PTPRE: variants seen among roughly 807,000 people sequenced by gnomAD.
PTPRE encodes protein tyrosine phosphatase receptor type E, also known as receptor-type tyrosine-protein phosphatase epsilon.
Under a neutral mutation model 102.0 loss-of-function variants are expected in PTPRE, and 51 were observed. The ratio of observed to expected loss-of-function variants is 0.50; its 90% confidence interval spans 0.40 to 0.63. The LOEUF (loss-of-function observed/expected upper bound fraction) is 0.63, where lower values mean the gene tolerates loss of function less well. Among genes scored for constraint, PTPRE ranks in the 30% least tolerant of loss-of-function variants. The pLI is 0.00. For missense variants in PTPRE, 752 were observed against 915.1 expected, an observed-to-expected ratio of 0.82 and a Z score of 2.30; for synonymous variants, 345 against 348.2, an observed-to-expected ratio of 0.99 and a Z score of 0.10.
rs1849537161 is a variant in PTPRE, at chr10:128,060,980, C to T, written c.553C>T (p.Pro185Ser). The change falls in exon 8 of 21, where the codon CCC (proline) becomes TCC (serine). Residue 185 changes from proline to serine, a missense_variant. Coordinates refer to ENST00000254667, the MANE Select transcript of PTPRE (RefSeq NM_006504.6). ...GATTCTGAGCCAACTGGATGGAATT[C>T]CCTGTTCAGACTACATCAATGCTTC... The part of the protein sequence containing the change: ...RVILSQLDGI[P>S]CSDYINASYI... 1.2e-6 allele frequency: 2 copies of T among 1,614,118 alleles called. No homozygotes were observed. The highest frequency in any genetic ancestry group is 1.7e-6 in the Non-Finnish European group (2 of 1,179,998).
At chr10:128,062,913 G>T in intron 9 of PTPRE, 170 bp from the exon 10 acceptor site, 1 of 1,210,932 alleles carries the variant, frequency 8.3e-7, no homozygotes, top group South Asian at 1.7e-5. Flanking sequence ...GGCAGGACAG[G>T]CAGCCCCTAC....
chr10:128,079,404 C>T (rs1408689701), intron 19 of PTPRE, among the ~76,000 whole-genome samples, 156 bp from the exon 20 acceptor site: 1 of 152,170 alleles, frequency 6.6e-6, no homozygotes, highest in Non-Finnish European at 1.5e-5. Flanking sequence ...AGAAGTTACA[C>T]TACATACAAA....
In PTPRE at chr10:128,077,563, G is replaced by A. The variant is rs752242786; in HGVS notation, c.1726-54G>A. The A allele has an allele frequency of 1.6e-4, 243 of 1,556,326 alleles. 1 individual carries two copies. The highest frequency in any genetic ancestry group is 2.1e-4 in the Non-Finnish European group (240 of 1,145,638). The stretch of plus-strand genomic sequence containing the variant: ...AATCCCTGAGAGGGCAGATGGGGCT[G>A]GGGCCTGTTCCCCGGCAGGCAGGCG... On this transcript the variant is annotated intron_variant, in intron 18 of 20. Transcript: ENST00000254667.
At chr10:127,968,117 T>C (rs1042251677) in intron 1 of PTPRE, among the ~76,000 whole-genome samples, 24 of 150,996 alleles carry the variant, frequency 1.6e-4, no homozygotes, top group Non-Finnish European at 3.2e-4. Flanking sequence ...GGTGGCCAGC[T>C]CACATCCTGT....
chr10:127,974,264 C>A (rs977963353), intron 1 of PTPRE, among the ~76,000 whole-genome samples: 2 of 152,186 alleles, frequency 1.3e-5, no homozygotes, highest in Non-Finnish European at 2.9e-5. Flanking sequence ...CTTTACTAAC[C>A]CAGCAGGAAA....
At chr10:127,987,437 T>G in intron 2 of PTPRE, 3 of 981,132 alleles carry the variant, frequency 3.1e-6, no homozygotes, top group Non-Finnish European at 4.1e-6. Context: ...CTCTTTGGTT[T>G]TGTGTCATGG....
At chr10:127,963,688 G>T (rs1448173388) in intron 1 of PTPRE, among the ~76,000 whole-genome samples, 1 of 151,246 alleles carries the variant, frequency 6.6e-6, no homozygotes, top group Non-Finnish European at 1.5e-5. Flanking sequence ...GTGTGTGTGT[G>T]CATGCATGCG....
At chr10:128,055,144 G>A (rs1369051569) in intron 6 of PTPRE, among the ~76,000 whole-genome samples, 3 of 152,174 alleles carry the variant, frequency 2.0e-5, no homozygotes, top group African/African-American at 7.2e-5. Context: ...ATTCATGCAT[G>A]TTACTGGAAT....
chr10:128,034,721 C>A (rs960525852), intron 2 of PTPRE, among the ~76,000 whole-genome samples: 1 of 151,970 alleles, frequency 6.6e-6, no homozygotes, highest in African/African-American at 2.4e-5. Context: ...AAACTTATTT[C>A]TACAAAAACA....
chr10:128,062,935 C>T lies in PTPRE; in HGVS notation c.626-148C>T, dbSNP rs896990647. 1.5e-5 allele frequency: 21 copies of T among 1,387,834 alleles called. No homozygotes were observed. In the South Asian group the frequency reaches 2.0e-4, roughly 13 times the overall value. The allele number at this position is 1,387,834 out of a possible 1,614,324, so 86.0% of individuals were successfully genotyped here. A position where few individuals can be genotyped will look rare whatever the true frequency, so the allele number is the denominator to read the frequency against. On this transcript the variant is annotated intron_variant, in intron 9 of 20. Transcript: ENST00000254667. ...CAGGCAGCCCCTACCGGTTCCGGAACGCTTCAGGGCATGACGTGTGTGTCC... is the reference window on the plus strand; with the variant it reads ...CAGGCAGCCCCTACCGGTTCCGGAATGCTTCAGGGCATGACGTGTGTGTCC...
At chr10:127,978,436 G>T (rs1212822118) in intron 1 of PTPRE, among the ~76,000 whole-genome samples, 1 of 152,116 alleles carries the variant, frequency 6.6e-6, no homozygotes, top group African/African-American at 2.4e-5. Context: ...TACTCGGGGG[G>T]TGGCTGAGGC....
At chr10:128,023,174 T>C (rs2135702602) in intron 2 of PTPRE, among the ~76,000 whole-genome samples, 1 of 152,288 alleles carries the variant, frequency 6.6e-6, no homozygotes, top group Middle Eastern at 3.4e-3. Flanking sequence ...TGTTCTATTT[T>C]ATTATTGTTG....
At chr10:128,059,648 A>ACCAGCCTGGTC (rs1849346079) in intron 7 of PTPRE, among the ~76,000 whole-genome samples, 1 of 152,074 alleles carries the variant, frequency 6.6e-6, no homozygotes, top group African/African-American at 2.4e-5. Flanking sequence ...CGTCCTCAGA[A>ACCAGCCTGGTC]CCAGCCTGGT....
At position 128,070,388 on chromosome 10, in the gene PTPRE, C is replaced by A; in HGVS notation, c.1231C>A (p.Leu411Met). The A allele has an allele frequency of 6.2e-7, 1 of 1,614,172 alleles. No individual in the cohort carries two copies. Among genetic ancestry groups the A allele is most frequent in the Non-Finnish European group, 8.5e-7 (1 of 1,180,036 alleles). ...GGACGTGTCCTCCCTGGAGAAGCACCTGCAGACCATGCACGGCACCACCAC... is the reference window on the plus strand; with the variant it reads ...GGACGTGTCCTCCCTGGAGAAGCACATGCAGACCATGCACGGCACCACCAC... ...ELDVSSLEKH[L>M]QTMHGTTTHF... The change falls in exon 14 of 21, where the codon CTG (leucine) becomes ATG (methionine). Residue 411 changes from leucine to methionine, a missense_variant. By Grantham distance (15) the Leu-to-Met change is conservative. This residue lies in a region of PTPRE where 636 missense variants were observed against 824.4 expected (regional missense o/e 0.77). Coordinates refer to ENST00000254667, the MANE Select transcript of PTPRE (RefSeq NM_006504.6). This position sits in a 1 kb window ranked among gnomAD's most constrained non-coding sequence, Gnocchi z 4.8.
rs931550669 is a variant in PTPRE at position 128,066,875 on chromosome 10, C to T, written c.843+681C>T. ...TCTCTCCCAGAAATGTGCACACAGG[C>T]GCACACAGGCACTCACATGCACACG... On this transcript the variant is annotated intron_variant, in intron 11 of 20. Transcript: ENST00000254667. 3.3e-5 allele frequency among the ~76,000 whole-genome samples: 5 copies of T among 152,134 alleles called. 1 individual carries two copies. Among genetic ancestry groups the T allele is most frequent in the South Asian group, 2.1e-4 (1 of 4,826 alleles).
intron 1 of PTPRE, among the ~76,000 whole-genome samples, chr10:127,933,097 C>A (rs772981691): frequency 6.6e-6 from 1 of 152,192 alleles, no homozygotes; most frequent in Non-Finnish European, 1.5e-5. Context: ...AGGGTGCACC[C>A]GGATGATCCA....
intron 1 of PTPRE, 26 bp from the exon 2 acceptor site, chr10:127,982,248 C>CTTTTTTTTTT: frequency 1.6e-6 from 2 of 1,250,682 alleles, no homozygotes; most frequent in African/African-American, 1.6e-5. Context: ...AGAAAACTGA[C>CTTTTTTTTTT]TTTTTTTTTC....
chr10:127,982,300 A>G lies in PTPRE; in HGVS notation c.-8+4A>G, dbSNP rs1851698787. ...CTATAGCCTTCACTTTCCCTCGGTGAGTACAAAACTTTTTAAAAATTATTT... is the reference window on the plus strand; with the variant it reads ...CTATAGCCTTCACTTTCCCTCGGTGGGTACAAAACTTTTTAAAAATTATTT... On this transcript the variant is annotated splice_donor_region_variant and intron_variant, in intron 2 of 20. Transcript: ENST00000254667. The G allele has an allele frequency of 7.2e-6, 9 of 1,254,512 alleles. No homozygotes were observed. Among genetic ancestry groups the G allele is most frequent in the Non-Finnish European group, 9.3e-6 (9 of 965,722 alleles). The allele number at this position is 1,254,512 out of a possible 1,614,324, so 77.7% of individuals were successfully genotyped here.
chr10:128,038,171 T>A (rs894578212), intron 2 of PTPRE, among the ~76,000 whole-genome samples: 1 of 152,160 alleles, frequency 6.6e-6, no homozygotes, highest in African/African-American at 2.4e-5. Flanking sequence ...AGGTCACTTA[T>A]GCAAGCCCAC....
Sources: gnomAD v4.1 joint callset for allele counts (sites outside exome capture counted in the v4.1 genomes callset) on GRCh38, gnomAD v4.1.1 for gene constraint, gnomAD v4.1.1 regional missense constraint, Gnocchi (gnomAD v3.1) non-coding constraint, MANE v1.5 for transcripts, NCBI Gene and HGNC (gene_info 2026-07-23, HGNC 2026-07-21) for gene names.